Variants in RNF38 observed in about 807,000 individuals in gnomAD.
RNF38 encodes E3 ubiquitin-protein ligase RNF38.
In RNF38, 15 loss-of-function variants were observed where a neutral mutation model predicts 67.2. That is an observed-to-expected ratio of 0.22 (90% CI 0.15 to 0.34). The LOEUF is 0.34. Ranked by LOEUF, RNF38 falls within the 10% of genes least tolerant of loss-of-function variation. The probability of loss-of-function intolerance (pLI) is 1.00; values close to 1 mark genes in which losing one functional copy is unlikely to be tolerated. For synonymous variants in RNF38, 220 were observed against 218.8 expected (o/e 1.01, Z -0.05); for missense variants, 524 against 639.9 (o/e 0.82, Z 1.95).
intron 1 of RNF38, among the ~76,000 whole-genome samples, chr9:36,464,554 G>C (rs908859378): frequency 6.7e-6 from 1 of 150,202 alleles, no homozygotes. Flanking sequence ...CTGGGTGACA[G>C]AGTGAGACTC....
intron 1 of RNF38, among the ~76,000 whole-genome samples, chr9:36,454,548 C>T (rs1201729098): frequency 6.6e-6 from 1 of 150,924 alleles, no homozygotes; most frequent in African/African-American, 2.4e-5. Flanking sequence ...AAAAATTATG[C>T]CTAATAAAAA....
rs1341414852 is a variant in RNF38, at chr9:36,385,392, T to C, written c.162+5075A>G. ...TGATCCACTACAGCTTTTTTTTTTT[T>C]TTTTGGAGACAGTTTCGCTCTTGTC... On this transcript the variant is annotated intron_variant, in intron 2 of 11. Transcript: ENST00000259605. 2.6e-5 allele frequency among the ~76,000 whole-genome samples: 4 copies of C among 151,772 alleles called. No individual in the cohort carries two copies. In the East Asian group the frequency reaches 5.8e-4, roughly 22 times the overall value.
intron 2 of RNF38, among the ~76,000 whole-genome samples, chr9:36,385,836 C>T (rs928318630): frequency 2.6e-5 from 4 of 152,182 alleles, no homozygotes; most frequent in South Asian, 2.1e-4. Flanking sequence ...GCACAACCAA[C>T]GCTTCAAAAA....
chr9:36,377,314 A>C (rs1284473777), intron 2 of RNF38, among the ~76,000 whole-genome samples: 2 of 152,228 alleles, frequency 1.3e-5, no homozygotes, highest in Non-Finnish European at 2.9e-5. Context: ...ACCTGCAGCT[A>C]CCATAAAAAT....
At chr9:36,471,385 A>C (rs1839994518) in intron 1 of RNF38, among the ~76,000 whole-genome samples, 1 of 152,216 alleles carries the variant, frequency 6.6e-6, no homozygotes, top group African/African-American at 2.4e-5. Flanking sequence ...AAATAATATA[A>C]CTATTCTACC....
chr9:36,473,348 G>A (rs1035070934), intron 1 of RNF38, among the ~76,000 whole-genome samples: 5 of 152,206 alleles, frequency 3.3e-5, no homozygotes, highest in Middle Eastern at 3.4e-3. Flanking sequence ...AACACTTTGG[G>A]AGGCCAAGGC....
At chr9:36,480,623 C>T (rs1460397168) in intron 1 of RNF38, among the ~76,000 whole-genome samples, 2 of 135,030 alleles carry the variant, frequency 1.5e-5, no homozygotes, top group Non-Finnish European at 3.1e-5. Context: ...ACCATCTCAA[C>T]TCACTGCAAT....
At chr9:36,416,144 C>G (rs1342407548) in intron 2 of RNF38, among the ~76,000 whole-genome samples, 1 of 134,054 alleles carries the variant, frequency 7.5e-6, no homozygotes, top group Non-Finnish European at 1.5e-5. Context: ...TTAGGCATAT[C>G]TGAGACTCTC....
intron 1 of RNF38, among the ~76,000 whole-genome samples, chr9:36,449,684 C>A (rs1206307396): frequency 6.6e-6 from 1 of 152,108 alleles, no homozygotes. Flanking sequence ...ATCCGCCCAC[C>A]TCGGCCTCCC....
chr9:36,352,811 C>A lies in RNF38; in HGVS notation c.1109G>T (p.Arg370Leu), dbSNP rs764664820. 1 of 1,613,906 alleles carries A rather than the reference C, an allele frequency of 6.2e-7. No individual in the cohort carries two copies. The highest frequency in any genetic ancestry group is 8.5e-7 in the Non-Finnish European group (1 of 1,179,912). Residue 370 changes from arginine (R) to leucine (L), a missense_variant, in exon 8 of 12, where the codon CGT becomes CTT. By Grantham distance (102) the Arg-to-Leu change is moderately radical. Coordinates refer to ENST00000259605, the MANE Select transcript of RNF38 (RefSeq NM_022781.5). ...TGGCTGCTGGGATCGGTATCTACTA[C>A]GTCCTGTAAGCCTCCGAGGCATAAA... The part of the protein sequence containing the change: ...PPFMPRRLTG[R>L]SRYRSQQPIP...
In RNF38 at chr9:36,411,129, A is replaced by G. The variant is rs543843618; in HGVS notation, n.312+13484T>C. ...CATGTCTAGTAAGGGGTTAATATCCAGAATATATAACTCCTAAAACTGAAC... is the reference window on the plus strand; with the variant it reads ...CATGTCTAGTAAGGGGTTAATATCCGGAATATATAACTCCTAAAACTGAAC... On this transcript the variant is annotated intron_variant and non_coding_transcript_variant, in intron 2 of 3. Coordinates refer to the RNF38 transcript ENST00000488058. Among the ~76,000 whole-genome samples, 4 of 151,936 alleles carry G rather than the reference A, an allele frequency of 2.6e-5. No homozygotes were observed. In the South Asian group the frequency reaches 8.3e-4, roughly 32 times the overall value.
At chr9:36,348,662 G>A (rs1311164613) in intron 9 of RNF38, among the ~76,000 whole-genome samples, 2 of 152,216 alleles carry the variant, frequency 1.3e-5, no homozygotes, top group East Asian at 1.9e-4. Context: ...TTCTATCAAT[G>A]TTGAGAGAGG....
rs1832548135 is a variant in RNF38 at position 36,337,645 on chromosome 9, CATG to C, written c.*2104_*2106del. On this transcript the variant is annotated 3_prime_UTR_variant, in exon 12 of 12. Transcript: ENST00000259605. ...TAAGATGGGCTTTTGCCATTTTAAA[CATG>C]ATTTTTTTTCATTAAAAAAGATTAA... 6.8e-6 allele frequency: 1 copy of C among 148,104 alleles called. No homozygotes were observed. Among genetic ancestry groups the C allele is most frequent in the Non-Finnish European group, 1.5e-5 (1 of 65,178 alleles). The allele number at this position is 148,104 out of a possible 1,614,324, so 9.2% of individuals were successfully genotyped here.
chr9:36,468,629 T>C (rs1011100389), intron 1 of RNF38, among the ~76,000 whole-genome samples: 3 of 151,556 alleles, frequency 2.0e-5, no homozygotes, highest in South Asian at 2.1e-4. Flanking sequence ...CTGACCAACA[T>C]AGGGAAACCC....
chr9:36,361,221 G>A (rs889397235), intron 4 of RNF38, among the ~76,000 whole-genome samples: 3 of 150,808 alleles, frequency 2.0e-5, no homozygotes, highest in African/African-American at 7.3e-5. Context: ...GCGTGATCTC[G>A]GCTCACTGCA....
At chr9:36,405,318 A>G (rs1331966296), upstream of RNF38, among the ~76,000 whole-genome samples, 4 of 152,168 alleles carry the variant, frequency 2.6e-5, no homozygotes, top group Non-Finnish European at 5.9e-5. Flanking sequence ...AAACTTCTGT[A>G]TCTACAAGTT....
At chr9:36,425,899 T>C (rs1434745282) in intron 1 of RNF38, among the ~76,000 whole-genome samples, 1 of 152,202 alleles carries the variant, frequency 6.6e-6, no homozygotes, top group Non-Finnish European at 1.5e-5. Flanking sequence ...GGTTTCGCCA[T>C]GTTGGTCAGG....
At chr9:36,484,122 A>G (rs902588346) in intron 1 of RNF38, among the ~76,000 whole-genome samples, 1 of 152,202 alleles carries the variant, frequency 6.6e-6, no homozygotes. Context: ...GGGCATCCCA[A>G]TCTACTGGGG....
Position 36,487,401 on chromosome 9 carries a change from G to A in RNF38, n.148C>T, listed in dbSNP as rs970748561. The A allele has an allele frequency of 3.6e-5, 35 of 982,076 alleles. No individual in the cohort carries two copies. In the African/African-American group the frequency reaches 6.0e-4, roughly 17 times the overall value. The allele number at this position is 982,076 out of a possible 1,614,324, so 60.8% of individuals were successfully genotyped here. On this transcript the variant is annotated non_coding_transcript_exon_variant, in exon 1 of 4. Coordinates refer to the RNF38 transcript ENST00000488058. The stretch of plus-strand genomic sequence containing the variant: ...GGGCTGAGGCGGTCCGTGGCGGCGG[G>A]CTCCGGCCGGGGCGGCGGCGGTGGG...
Sources: allele counts gnomAD v4.1 joint callset (sites outside exome capture counted in the v4.1 genomes callset), GRCh38; gene constraint gnomAD v4.1.1; transcripts MANE v1.5; gene names NCBI Gene and HGNC (gene_info 2026-07-23, HGNC 2026-07-21).